Variants in ARHGAP6 observed in about 807,000 individuals in gnomAD.
The protein encoded by ARHGAP6 is rho GTPase-activating protein 6.
Under a neutral mutation model 55.7 loss-of-function variants are expected in ARHGAP6, and 16 were observed. The ratio of observed to expected loss-of-function variants is 0.29; its 90% CI spans 0.19 to 0.44. The LOEUF (loss-of-function observed/expected upper bound fraction) is 0.44. Ranked by LOEUF, ARHGAP6 falls within the 20% of genes least tolerant of loss-of-function variation. ARHGAP6 has a pLI of 1.00. For missense variants in ARHGAP6, 698 were observed against 808.9 expected (o/e 0.86, Z 1.66); for synonymous variants, 382 against 360.9 (o/e 1.06, Z -0.66).
intron 1 of ARHGAP6, among the ~76,000 whole-genome samples, chrX:11,393,054 T>C (rs1041068030): frequency 1.8e-5 from 2 of 111,603 alleles, no homozygotes; most frequent in African/African-American, 6.5e-5. Flanking sequence ...AGTTAGTTTG[T>C]ATTACTGAGT....
intron 1 of ARHGAP6, among the ~76,000 whole-genome samples, chrX:11,663,137 G>T (rs2147212088): frequency 8.9e-6 from 1 of 112,375 alleles, no homozygotes; most frequent in East Asian, 2.8e-4. Flanking sequence ...TCTGATAAAT[G>T]ATGCTTATTT....
intron 1 of ARHGAP6, among the ~76,000 whole-genome samples, chrX:11,406,163 T>C (rs922258637): frequency 1.8e-5 from 2 of 111,128 alleles, no homozygotes; most frequent in African/African-American, 6.6e-5. Context: ...TCTCCCAAAG[T>C]GCTGGGATTA....
chrX:11,210,607 T>C (rs925237838), intron 2 of ARHGAP6, among the ~76,000 whole-genome samples: 3 of 112,525 alleles, frequency 2.7e-5, no homozygotes, highest in Non-Finnish European at 5.6e-5. Context: ...ACATTTATTT[T>C]GTTACAGCAT....
chrX:11,643,164 T>C (rs1399222232), intron 1 of ARHGAP6, among the ~76,000 whole-genome samples: 1 of 111,884 alleles, frequency 8.9e-6, no homozygotes, highest in East Asian at 2.8e-4. Context: ...CTTCCAAATT[T>C]AAGAGGATAA....
intron 1 of ARHGAP6, among the ~76,000 whole-genome samples, chrX:11,520,293 C>T (rs1241120943): frequency 9.9e-6 from 1 of 101,458 alleles, no homozygotes; most frequent in East Asian, 3.1e-4. Flanking sequence ...GGTATATCTC[C>T]TAATGCTATC....
intron 3 of ARHGAP6, among the ~76,000 whole-genome samples, chrX:11,195,841 C>A (rs1434699609): frequency 2.8e-5 from 3 of 106,493 alleles, no homozygotes; most frequent in Non-Finnish European, 5.8e-5. Context: ...CTAGGCCGGG[C>A]GCGATGGATC....
At chrX:11,592,521 G>A (rs1288342687) in intron 1 of ARHGAP6, among the ~76,000 whole-genome samples, 1 of 111,300 alleles carries the variant, frequency 9.0e-6, no homozygotes, top group African/African-American at 3.3e-5. Flanking sequence ...ATAGGCAGGA[G>A]AAGACAAAAT....
At chrX:11,478,446 T>G (rs1034604) in intron 1 of ARHGAP6, among the ~76,000 whole-genome samples, 1 of 112,103 alleles carries the variant, frequency 8.9e-6, no homozygotes, top group Non-Finnish European at 1.9e-5. Flanking sequence ...CATACAGTAT[T>G]ATTCCATTTA....
chrX:11,176,300 CATATATATATATAT>C (rs59647126), intron 8 of ARHGAP6, among the ~76,000 whole-genome samples: 240 of 15,621 alleles, frequency 0.015, 5 homozygotes, highest in Non-Finnish European at 0.019. Flanking sequence ...TATTTGCATG[CATATATATATATAT>C]ATATATATAT....
At chrX:11,438,823 TA>T (rs1346286937) in intron 1 of ARHGAP6, among the ~76,000 whole-genome samples, 1 of 112,133 alleles carries the variant, frequency 8.9e-6, no homozygotes, top group African/African-American at 3.2e-5. Context: ...GGGCAGAAAA[TA>T]AAAGAGGTCC....
At chrX:11,571,982 C>T (rs1216438875) in intron 1 of ARHGAP6, among the ~76,000 whole-genome samples, 1 of 110,389 alleles carries the variant, frequency 9.1e-6, no homozygotes, top group Admixed American at 9.7e-5. Flanking sequence ...GACCATGAGA[C>T]AAGAAATGCT....
At chrX:11,255,626 C>A (rs2047485349) in intron 1 of ARHGAP6, among the ~76,000 whole-genome samples, 1 of 111,305 alleles carries the variant, frequency 9.0e-6, no homozygotes, top group African/African-American at 3.3e-5. Flanking sequence ...ATTGTAACCA[C>A]TGAGGTTCTA....
At chrX:11,288,399 G>A (rs762679861) in intron 1 of ARHGAP6, among the ~76,000 whole-genome samples, 9 of 112,136 alleles carry the variant, frequency 8.0e-5, no homozygotes, top group Non-Finnish European at 1.1e-4. Flanking sequence ...CCATTACACC[G>A]TGTTTAGCCT....
At chrX:11,168,764 AAG>A (rs1325896355) in intron 9 of ARHGAP6, among the ~76,000 whole-genome samples, 2 of 112,209 alleles carry the variant, frequency 1.8e-5, no homozygotes, top group Non-Finnish European at 3.8e-5. Context: ...ACAGAAATAG[AAG>A]AGAGTTGGCA....
At chrX:11,422,927 C>T (rs1330077770) in intron 1 of ARHGAP6, among the ~76,000 whole-genome samples, 1 of 111,398 alleles carries the variant, frequency 9.0e-6, no homozygotes, top group East Asian at 2.8e-4. Flanking sequence ...CCAAAGAGGC[C>T]TCATCCAGGA....
chrX:11,651,838 G>A (rs1426986695), intron 1 of ARHGAP6, among the ~76,000 whole-genome samples: 1 of 111,830 alleles, frequency 8.9e-6, no homozygotes, highest in Non-Finnish European at 1.9e-5. Context: ...ATTCTGACTA[G>A]TATGAGATGG....
chrX:11,231,264 A>C (rs1260160430), intron 2 of ARHGAP6, among the ~76,000 whole-genome samples: 1 of 112,140 alleles, frequency 8.9e-6, no homozygotes, highest in African/African-American at 3.2e-5. Context: ...CATAATAAAC[A>C]CCCGCTTTGA....
intron 1 of ARHGAP6, among the ~76,000 whole-genome samples, chrX:11,358,439 T>A (rs1462744749): frequency 4.4e-5 from 2 of 45,445 alleles, no homozygotes; most frequent in African/African-American, 9.0e-5. Context: ...GTATCTTTCT[T>A]TCTTTCTTTC....
chrX:11,587,087 T>C (rs746504305), intron 1 of ARHGAP6, among the ~76,000 whole-genome samples: 2 of 111,322 alleles, frequency 1.8e-5, no homozygotes, highest in South Asian at 7.6e-4. Flanking sequence ...GACTATGGGG[T>C]TTTCTAGATA....
Sources: gnomAD v4.1 joint callset for allele counts (sites outside exome capture counted in the v4.1 genomes callset) on GRCh38, gnomAD v4.1.1 for gene constraint, MANE v1.5 for transcripts, NCBI Gene and HGNC (gene_info 2026-07-23, HGNC 2026-07-21) for gene names.